The following CHM variants were observed in gnomAD, a reference collection of about 807,000 sequenced individuals.
CHM encodes rab proteins geranylgeranyltransferase component A 1.
CHM carries 10 observed loss-of-function variants against 49.0 expected under a neutral mutation model. That is an observed-to-expected ratio of 0.20 (90% CI 0.13 to 0.35). CHM has a LOEUF of 0.35. CHM is among the 10% of genes least tolerant of loss of function. CHM has a pLI of 1.00. For missense variants in CHM, 455 were observed against 478.4 expected, an observed-to-expected ratio of 0.95 and a Z score of 0.46; for synonymous variants, 184 against 167.5, an observed-to-expected ratio of 1.10 and a Z score of -0.76.
intron 2 of CHM, among the ~76,000 whole-genome samples, chrX:86,020,598 C>A (rs1933494355): frequency 1.9e-5 from 2 of 105,244 alleles, no homozygotes; most frequent in Non-Finnish European, 3.9e-5. Context: ...CTATATATTG[C>A]AAATATTACA....
intron 14 of CHM, among the ~76,000 whole-genome samples, chrX:85,865,483 T>C (rs1437138233): frequency 8.9e-6 from 1 of 111,872 alleles, no homozygotes. Context: ...AGTATCTTTA[T>C]GGCAGTGTAA....
At chrX:85,937,134 C>T (rs978225166) in intron 8 of CHM, among the ~76,000 whole-genome samples, 5 of 108,559 alleles carry the variant, frequency 4.6e-5, no homozygotes, top group African/African-American at 1.7e-4. Context: ...GGTGTGGTTG[C>T]GGGCGCCTGT....
chrX:85,957,156 T>C (rs919725557), intron 7 of CHM, among the ~76,000 whole-genome samples: 1 of 112,155 alleles, frequency 8.9e-6, no homozygotes, highest in African/African-American at 3.2e-5. Flanking sequence ...AAAAAAAATA[T>C]CGCTGCACTT....
At chrX:85,906,111 A>G (rs927055594) in intron 9 of CHM, among the ~76,000 whole-genome samples, 2 of 111,883 alleles carry the variant, frequency 1.8e-5, no homozygotes, top group African/African-American at 6.5e-5. Context: ...GGGTGAATGG[A>G]TGGATGGTTA....
At chrX:85,970,951 T>G (rs930966663) in intron 4 of CHM, 13 of 716,747 alleles carry the variant, frequency 1.8e-5, no homozygotes, top group Non-Finnish European at 2.0e-5. Context: ...TTAGCCTGTT[T>G]TGCAATACCC....
intron 1 of CHM, among the ~76,000 whole-genome samples, chrX:86,031,806 C>T (rs1934058021): frequency 9.0e-6 from 1 of 110,977 alleles, no homozygotes; most frequent in African/African-American, 3.3e-5. Context: ...CACCATTGCA[C>T]TCCAGCCTGG....
intron 2 of CHM, among the ~76,000 whole-genome samples, chrX:86,016,750 C>A (rs764271665): frequency 8.9e-6 from 1 of 112,268 alleles, no homozygotes; most frequent in East Asian, 2.8e-4. Context: ...AGCCCCCACA[C>A]AGAGTCCCTA....
In CHM at chrX:85,957,971, G is replaced by A; in HGVS notation, c.824C>T (p.Pro275Leu). The stretch of plus-strand genomic sequence containing the variant: ...ATTAAAGACATCTGCTCTGGAACAC[G>A]GAACCTGAAAAATATTATGATTTTA... Reference protein sequence around the residue: ...AFREGRVEQVPCSRADVFNSK... With the variant: ...AFREGRVEQVLCSRADVFNSK... Residue 275 changes from proline (P) to leucine (L), a missense_variant, in exon 7 of 15, where the codon CCG (proline) becomes CTG (leucine). Transcript: ENST00000357749. The A allele has an allele frequency of 2.5e-6, 3 of 1,209,042 alleles. No individual in the cohort carries two copies. Among genetic ancestry groups the A allele is most frequent in the East Asian group, 3.0e-5 (1 of 33,684 alleles).
intron 8 of CHM, among the ~76,000 whole-genome samples, chrX:85,912,548 T>C (rs1028797947): frequency 1.8e-5 from 2 of 111,472 alleles, no homozygotes; most frequent in African/African-American, 6.5e-5. Context: ...AAGACGACTA[T>C]GGTAGGCTGA....
chrX:85,954,878 C>A (rs1929929087), intron 8 of CHM, among the ~76,000 whole-genome samples: 1 of 95,374 alleles, frequency 1.0e-5, no homozygotes, highest in African/African-American at 4.1e-5. Flanking sequence ...GGTGACAGAG[C>A]AAGACTCCAT....
At chrX:85,911,762 C>A (rs186296659) in intron 8 of CHM, among the ~76,000 whole-genome samples, 133 of 111,578 alleles carry the variant, frequency 1.2e-3, no homozygotes, top group African/African-American at 3.7e-3. Flanking sequence ...AGATATTTTA[C>A]TTACAATAAA....
At chrX:85,994,681 AACTG>A (rs1235345316) in intron 2 of CHM, among the ~76,000 whole-genome samples, 1 of 111,905 alleles carries the variant, frequency 8.9e-6, no homozygotes, top group African/African-American at 3.3e-5. Flanking sequence ...TCAGCTGTGA[AACTG>A]ACTGACATTC....
intron 4 of CHM, among the ~76,000 whole-genome samples, chrX:85,973,300 C>CA (rs58103002): frequency 0.042 from 684 of 16,291 alleles, 176 homozygotes; most frequent in African/African-American, 0.086. Context: ...TCTGTCTCGA[C>CA]AAAAAAAAAA....
At position 85,964,045 on chromosome X, in the gene CHM, A is replaced by C. The variant is rs988556691; in HGVS notation, c.322T>G (p.Leu108Val). The change falls in exon 5 of 15, where the codon TTG becomes GTG. Residue 108 changes from leucine to valine, a missense_variant. Coordinates refer to ENST00000357749, the MANE Select transcript of CHM (RefSeq NM_000390.4). ...CCAGCTTCTTCGACATCTTCATGCAAATCCTGACTAATAAGAAATATAATA... is the reference window on the plus strand; with the variant it reads ...CCAGCTTCTTCGACATCTTCATGCACATCCTGACTAATAAGAAATATAATA... ...VEVFCYASQDLHEDVEEAGAL... is the reference protein window; with the variant it reads ...VEVFCYASQDVHEDVEEAGAL... 8.3e-7 allele frequency: 1 copy of C among 1,202,497 alleles called. No homozygotes were observed. The highest frequency in any genetic ancestry group is 1.8e-5 in the African/African-American group (1 of 56,756).
intron 10 of CHM, 149 bp from the exon 11 acceptor site, chrX:85,900,858 T>A (rs1712675094): frequency 5.6e-6 from 3 of 539,682 alleles, no homozygotes; most frequent in Non-Finnish European, 9.6e-6. Context: ...GGCTTTAATC[T>A]TTCCTTGGCT....
intron 10 of CHM, 97 bp from the exon 11 acceptor site, chrX:85,900,806 A>G: frequency 1.5e-6 from 1 of 672,800 alleles, no homozygotes; most frequent in Admixed American, 2.6e-5. Context: ...CAAAGATTTA[A>G]GTCAGGATAA....
intron 11 of CHM, among the ~76,000 whole-genome samples, chrX:85,895,857 T>C (rs1209922013): frequency 1.8e-5 from 2 of 110,582 alleles, no homozygotes; most frequent in African/African-American, 6.6e-5. Context: ...ATGACCATAA[T>C]TGGAAAAGTA....
At chrX:86,046,309 T>A (rs1431291551) in intron 1 of CHM, among the ~76,000 whole-genome samples, 1 of 112,480 alleles carries the variant, frequency 8.9e-6, no homozygotes, top group Admixed American at 9.4e-5. Context: ...TGTGTGATCC[T>A]GAGCAAATTA....
intron 12 of CHM, among the ~76,000 whole-genome samples, chrX:85,885,329 A>G (rs1257454540): frequency 8.2e-5 from 9 of 109,914 alleles, no homozygotes; most frequent in Non-Finnish European, 1.5e-4. Flanking sequence ...ACATCTTCAC[A>G]TATAGATTGT....
Sources: allele counts gnomAD v4.1 joint callset (sites outside exome capture counted in the v4.1 genomes callset), GRCh38; gene constraint gnomAD v4.1.1; transcripts MANE v1.5; gene names NCBI Gene and HGNC (gene_info 2026-07-23, HGNC 2026-07-21).